ANKRD30B: variants seen among roughly 807,000 people sequenced by gnomAD.
ANKRD30B encodes ankyrin repeat domain 30B, also known as ankyrin repeat domain-containing protein 30B.
ANKRD30B carries 144 observed loss-of-function variants against 202.2 expected under a neutral mutation model. The ratio of observed to expected loss-of-function variants is 0.71; its 90% CI spans 0.62 to 0.82. The LOEUF (loss-of-function observed/expected upper bound fraction) is 0.82, where lower values mean the gene tolerates loss of function less well. ANKRD30B is among the 40% of genes least tolerant of loss of function. The probability of loss-of-function intolerance (pLI) is 0.00; values close to 1 mark genes in which losing one functional copy is unlikely to be tolerated. For synonymous variants in ANKRD30B, 508 were observed against 561.3 expected, an observed-to-expected ratio of 0.91 and a Z score of 1.34; for missense variants, 1,487 against 1,669.1, an observed-to-expected ratio of 0.89 and a Z score of 1.90.
chr18:14,870,374 G>A, the ANKRD30B span, among the ~76,000 whole-genome samples: 2 of 152,224 alleles, frequency 1.3e-5, no homozygotes, highest in Non-Finnish European at 2.9e-5. Flanking sequence ...TCTCTCTGCT[G>A]TGCCCTCCAC....
intron 18 of ANKRD30B, among the ~76,000 whole-genome samples, chr18:14,797,081 TG>T (rs1385758410): frequency 6.6e-6 from 1 of 152,214 alleles, no homozygotes. Context: ...AGAAACAGGA[TG>T]TGAAGCTAGA....
At chr18:14,901,271 A>C in the ANKRD30B span, among the ~76,000 whole-genome samples, 7 of 152,244 alleles carry the variant, frequency 4.6e-5, no homozygotes, top group Non-Finnish European at 1.0e-4. Flanking sequence ...ACAGCCAAAA[A>C]TTTACTTCTT....
chr18:14,873,247 C>T, the ANKRD30B span, among the ~76,000 whole-genome samples: 21 of 151,946 alleles, frequency 1.4e-4, no homozygotes, highest in Admixed American at 1.2e-3. Context: ...AATTTGGGGC[C>T]GGGCATGGTG....
At chr18:14,913,629 A>G in the ANKRD30B span, among the ~76,000 whole-genome samples, 2 of 152,346 alleles carry the variant, frequency 1.3e-5, no homozygotes, top group South Asian at 2.1e-4. Context: ...TGCCATATAC[A>G]TATACACACC....
chr18:14,842,154 T>A (rs1015397589), intron 37 of ANKRD30B, among the ~76,000 whole-genome samples: 3 of 152,172 alleles, frequency 2.0e-5, no homozygotes, highest in Admixed American at 6.5e-5. Context: ...TTATATGTGA[T>A]AAGTATGTTG....
chr18:14,876,311 C>T, the ANKRD30B span, among the ~76,000 whole-genome samples: 1 of 152,170 alleles, frequency 6.6e-6, no homozygotes, highest in Non-Finnish European at 1.5e-5. Context: ...TTGATGGTCT[C>T]TAAGATTCAT....
At chr18:14,864,455 T>C in the ANKRD30B span, among the ~76,000 whole-genome samples, 4 of 152,186 alleles carry the variant, frequency 2.6e-5, no homozygotes, top group Non-Finnish European at 5.9e-5. Flanking sequence ...ATTTTTTTCC[T>C]GACCGTCTTT....
chr18:14,853,352 G>A (rs1188528120), intron 42 of ANKRD30B, among the ~76,000 whole-genome samples: 2 of 152,142 alleles, frequency 1.3e-5, no homozygotes, highest in Non-Finnish European at 2.9e-5. Flanking sequence ...GAGGGATGTG[G>A]AGACCAGGTT....
At chr18:14,749,588 T>C (rs1283132767) in intron 1 of ANKRD30B, among the ~76,000 whole-genome samples, 1 of 144,422 alleles carries the variant, frequency 6.9e-6, no homozygotes, top group Non-Finnish European at 1.5e-5. Context: ...GGAGAATTGC[T>C]TCAACCTGGT....
At chr18:14,870,993 GCCCACCCCCACCCACACACCCCTACCCA>G in the ANKRD30B span, among the ~76,000 whole-genome samples, 2 of 38,554 alleles carry the variant, frequency 5.2e-5, no homozygotes, top group African/African-American at 1.1e-4. Context: ...ACTCTCACCC[GCCCACCCCCACCCACACACCCCTACCCA>G]CACACCCTCA....
intron 14 of ANKRD30B, among the ~76,000 whole-genome samples, chr18:14,786,554 A>G (rs780367370): frequency 3.3e-5 from 5 of 152,236 alleles, no homozygotes; most frequent in Non-Finnish European, 7.3e-5. Context: ...GGTTGGACAT[A>G]TAGTTGACTA....
intron 20 of ANKRD30B, 114 bp from the exon 21 acceptor site, chr18:14,798,987 C>A: frequency 1.8e-6 from 2 of 1,124,346 alleles, no homozygotes; most frequent in Non-Finnish European, 1.3e-6. Flanking sequence ...CTAGTGTAAT[C>A]CCTTTTCAAT....
At chr18:14,779,252 G>T (rs1655677324) in intron 10 of ANKRD30B, among the ~76,000 whole-genome samples, 1 of 152,170 alleles carries the variant, frequency 6.6e-6, no homozygotes, top group Admixed American at 6.5e-5. Context: ...TCCATGAAAT[G>T]TGGGAAATTT....
intron 5 of ANKRD30B, among the ~76,000 whole-genome samples, chr18:14,759,819 G>T (rs544485124): frequency 6.6e-6 from 1 of 152,126 alleles, no homozygotes; most frequent in Admixed American, 6.5e-5. Flanking sequence ...AAAGAATAGA[G>T]CATCTAATAA....
chr18:14,758,427 G>A (rs959911477), intron 5 of ANKRD30B, among the ~76,000 whole-genome samples: 2 of 152,128 alleles, frequency 1.3e-5, no homozygotes, highest in African/African-American at 2.4e-5. Flanking sequence ...TTGCTGCGCC[G>A]TTGCCATTGA....
At chr18:14,772,288 T>C (rs1967053371) in intron 9 of ANKRD30B, 60 bp downstream of exon 9, 2 of 1,098,112 alleles carry the variant, frequency 1.8e-6, no homozygotes, top group Admixed American at 2.8e-5. Flanking sequence ...GTATAGTATT[T>C]CTTAGCAGTG....
chr18:14,760,446 T>C (rs1481730521), intron 5 of ANKRD30B, 108 bp from the exon 6 acceptor site: 10 of 611,116 alleles, frequency 1.6e-5, no homozygotes, highest in Non-Finnish European at 2.5e-5. Context: ...AACATTCTGA[T>C]GTTAGCTCTG....
At chr18:14,763,094 T>C (rs1199514536) in intron 6 of ANKRD30B, among the ~76,000 whole-genome samples, 3 of 152,082 alleles carry the variant, frequency 2.0e-5, no homozygotes, top group African/African-American at 7.2e-5. Flanking sequence ...GCATTTTTCT[T>C]ATTATTATTA....
chr18:14,887,517 T>G, the ANKRD30B span, among the ~76,000 whole-genome samples: 1 of 152,046 alleles, frequency 6.6e-6, no homozygotes, highest in East Asian at 1.9e-4. Flanking sequence ...GGTGAAAGAT[T>G]TTTTACATAT....
Sources: gnomAD v4.1 joint callset for allele counts (sites outside exome capture counted in the v4.1 genomes callset) on GRCh38, gnomAD v4.1.1 for gene constraint, MANE v1.5 for transcripts, NCBI Gene and HGNC (gene_info 2026-07-23, HGNC 2026-07-21) for gene names.